ARFGAP2: variants seen among roughly 807,000 people sequenced by gnomAD.
ARFGAP2 encodes ADP-ribosylation factor GTPase-activating protein 2.
Under a neutral mutation model 71.9 loss-of-function variants are expected in ARFGAP2, and 45 were observed. That is an observed-to-expected ratio of 0.63 (90% CI 0.49 to 0.80). The LOEUF (loss-of-function observed/expected upper bound fraction) is 0.80, where lower values mean the gene tolerates loss of function less well. ARFGAP2 is among the 30% of genes least tolerant of loss of function. The pLI is 0.00. For missense variants in ARFGAP2, 633 were observed against 673.9 expected (o/e 0.94, Z 0.67); for synonymous variants, 248 against 249.2 (o/e 1.00, Z 0.05).
At chr11:47,175,125 C>T (rs369209551) in intron 4 of ARFGAP2, 27 bp from the exon 5 acceptor site, 104 of 1,614,058 alleles carry the variant, frequency 6.4e-5, no homozygotes, top group Non-Finnish European at 8.5e-5. Context: ...ACCCCTAAAA[C>T]ACAGGGCTCT....
chr11:47,176,699 C>A, intron 1 of ARFGAP2, 65 bp from the exon 2 acceptor site: 1 of 1,611,496 alleles, frequency 6.2e-7, no homozygotes. Flanking sequence ...ACCGACACCC[C>A]AGAAACATAA....
At position 47,173,125 on chromosome 11, in the gene ARFGAP2, A is replaced by G. The variant is rs986184869; in HGVS notation, c.619+301T>C. 1.1e-5 allele frequency: 5 copies of G among 447,496 alleles called. No homozygotes were observed. In the East Asian group the frequency reaches 2.3e-4, roughly 20 times the overall value. The allele number at this position is 447,496 out of a possible 1,614,324, so 27.7% of individuals were successfully genotyped here. On this transcript the variant is annotated intron_variant, in intron 7 of 15. Coordinates refer to ENST00000524782, the MANE Select transcript of ARFGAP2 (RefSeq NM_032389.6). Reference sequence around the variant, plus strand: ...ACAAGCCAGCCCTGCCTCAGAGCCCAGGGATAGGTGTCCAGTCTCATGCTG... The same window carrying G: ...ACAAGCCAGCCCTGCCTCAGAGCCCGGGGATAGGTGTCCAGTCTCATGCTG...
At chr11:47,168,331 T>C (rs937271876) in intron 10 of ARFGAP2, 80 bp from the exon 11 acceptor site, 45 of 1,587,574 alleles carry the variant, frequency 2.8e-5, no homozygotes, top group Non-Finnish European at 3.8e-5. Flanking sequence ...GCCCAGCAAC[T>C]GGGTTCTCCT....
At chr11:47,172,820 A>G in intron 7 of ARFGAP2, 1 of 1,266,974 alleles carries the variant, frequency 7.9e-7, no homozygotes, top group East Asian at 5.6e-5. Flanking sequence ...TCCCAAGCCC[A>G]GCGGTCTCTA....
rs573882001 is a variant in ARFGAP2 at position 47,175,403 on chromosome 11, G to C, written c.265-90C>G. 1.1e-5 allele frequency: 17 copies of C among 1,579,760 alleles called. No homozygotes were observed. In the African/African-American group the frequency reaches 2.3e-4, roughly 21 times the overall value. ...GTAGGAGACATCTCCTTATGACAGCGAAGTTATTATCTATACAGGATGATA... is the reference window on the plus strand; with the variant it reads ...GTAGGAGACATCTCCTTATGACAGCCAAGTTATTATCTATACAGGATGATA... On this transcript the variant is annotated intron_variant, in intron 3 of 15. Coordinates refer to ENST00000524782, the MANE Select transcript of ARFGAP2 (RefSeq NM_032389.6).
At chr11:47,175,977 G>A in intron 2 of ARFGAP2, 54 bp from the exon 3 acceptor site, 1 of 1,590,214 alleles carries the variant, frequency 6.3e-7, no homozygotes, top group East Asian at 2.3e-5. Context: ...GGATTTCCCT[G>A]GCAACCCGGA....
chr11:47,172,966 C>T (rs1202750145), intron 7 of ARFGAP2: 2 of 365,326 alleles, frequency 5.5e-6, no homozygotes, highest in East Asian at 1.5e-4. Context: ...TCGCCCTGAA[C>T]CAAGTCTGAA....
rs574163921 is a variant in ARFGAP2, at chr11:47,176,705, C to G, written c.73-71G>C. On this transcript the variant is annotated intron_variant, in intron 1 of 15. Transcript: ENST00000524782. ...AGGCCAGGCACCGACACCCCAGAAA[C>G]ATAACCCACCTCCGCCCTTCTCCCT... The G allele has an allele frequency of 4.3e-6, 7 of 1,611,778 alleles. No individual in the cohort carries two copies. In the South Asian group the frequency reaches 6.6e-5, roughly 15 times the overall value.
At chr11:47,175,611 T>C (rs1952778257) in intron 3 of ARFGAP2, 1 of 622,410 alleles carries the variant, frequency 1.6e-6, no homozygotes, top group Non-Finnish European at 2.8e-6. Flanking sequence ...ACCCAATGAC[T>C]GTGAAGGCTC....
Position 47,170,337 on chromosome 11 carries a change from A to G in ARFGAP2, c.941+1089T>C, listed in dbSNP as rs1348080748. ...AGACTCCATCTCAAAAAAAAAAAAAAAAAAAAGAAAAGAAAAGAAAAAAGA... is the reference window on the plus strand; with the variant it reads ...AGACTCCATCTCAAAAAAAAAAAAAGAAAAAAGAAAAGAAAAGAAAAAAGA... On this transcript the variant is annotated intron_variant, in intron 10 of 15. Coordinates refer to ENST00000524782, the MANE Select transcript of ARFGAP2 (RefSeq NM_032389.6). Among the ~76,000 whole-genome samples the G allele has an allele frequency of 1.5e-4, 23 of 150,724 alleles. No homozygotes were observed. In the South Asian group the frequency reaches 4.8e-3, roughly 32 times the overall value.
At chr11:47,169,615 T>C (rs1335237586) in intron 10 of ARFGAP2, 2 of 152,210 alleles carry the variant, frequency 1.3e-5, no homozygotes, top group Non-Finnish European at 2.9e-5. Context: ...CCCAGCACTT[T>C]GGGAGGCCGA....
chr11:47,171,560 T>A lies in ARFGAP2; in HGVS notation c.810-3A>T, dbSNP rs1287682915. The A allele has an allele frequency of 1.9e-6, 3 of 1,614,120 alleles. No individual in the cohort carries two copies. The highest frequency in any genetic ancestry group is 2.5e-6 in the Non-Finnish European group (3 of 1,179,994). On this transcript the variant is annotated splice_region_variant and splice_polypyrimidine_tract_variant and intron_variant, in intron 9 of 15. Coordinates refer to ENST00000524782, the MANE Select transcript of ARFGAP2 (RefSeq NM_032389.6). ...AGGCCAGACGCATGGAGGCGACCCT[T>A]AGGGGGAACAAAGGTGTCAGTGGCC...
In ARFGAP2 at chr11:47,171,748, C is replaced by T; in HGVS notation, c.725G>A (p.Ser242Asn). 6.2e-7 allele frequency: 1 copy of T among 1,614,064 alleles called. No individual in the cohort carries two copies. Among genetic ancestry groups the T allele is most frequent in the Non-Finnish European group, 8.5e-7 (1 of 1,180,048 alleles). ...GAQKVSSQSF[S>N]EIERQAQVAE... ...CACCTGAGCCTGCCGCTCAATCTCACTGAAGCTCTGGCTGCTCACCTTCTG... is the reference window on the plus strand; with the variant it reads ...CACCTGAGCCTGCCGCTCAATCTCATTGAAGCTCTGGCTGCTCACCTTCTG... Residue 242 changes from serine to asparagine, a missense_variant, in exon 9 of 16, where the codon AGT becomes AAT. By Grantham distance (46) the Ser-to-Asn change is conservative (BLOSUM62 1). Coordinates refer to ENST00000524782, the MANE Select transcript of ARFGAP2 (RefSeq NM_032389.6).
chr11:47,173,269 T>C, intron 7 of ARFGAP2, 157 bp downstream of exon 7: 1 of 878,486 alleles, frequency 1.1e-6, no homozygotes, highest in African/African-American at 1.7e-5. Context: ...CAGTGTTGCA[T>C]CCACTATTTC....
rs1225221663 is a variant in ARFGAP2 at position 47,175,237 on chromosome 11, T to A, written c.341A>T (p.Tyr114Phe). Reference protein sequence around the residue: ...TKYNSRAAQMYREKIRQLGSA... With the variant: ...TKYNSRAAQMFREKIRQLGSA... The stretch of plus-strand genomic sequence containing the variant: ...CCCCAGCTGCCGGATCTTCTCCCGG[T>A]ACATCTGGGCAGCTCGGCTATTATA... The change falls in exon 4 of 16, where the codon TAC becomes TTC. Residue 114 changes from tyrosine (Y) to phenylalanine (F), a missense_variant. Coordinates refer to ENST00000524782, the MANE Select transcript of ARFGAP2 (RefSeq NM_032389.6). 7 of 1,614,086 alleles carry A rather than the reference T, an allele frequency of 4.3e-6. No individual in the cohort carries two copies. The highest frequency in any genetic ancestry group is 5.9e-6 in the Non-Finnish European group (7 of 1,179,998).
chr11:47,167,911 T>G lies in ARFGAP2; in HGVS notation c.1203A>C (p.Glu401Asp). 1 of 1,605,858 alleles carries G rather than the reference T, an allele frequency of 6.2e-7. No homozygotes were observed. The highest frequency in any genetic ancestry group is 8.5e-7 in the Non-Finnish European group (1 of 1,176,452). The change falls in exon 12 of 16, where the codon GAA becomes GAC. Residue 401 changes from glutamate (E) to aspartate (D), a missense_variant and splice_region_variant. Coordinates refer to ENST00000524782, the MANE Select transcript of ARFGAP2 (RefSeq NM_032389.6). ...VTISSIRPIS[E>D]RATNRREVES... ...AAAGAAAAAACAGCCCACTCTACCT[T>G]TCTGAAATAGGCCGGATGCTTGAGA...
intron 5 of ARFGAP2, 95 bp from the exon 6 acceptor site, chr11:47,173,935 A>G: frequency 1.3e-6 from 2 of 1,537,488 alleles, no homozygotes; most frequent in South Asian, 2.4e-5. Flanking sequence ...AAGAAATCAT[A>G]CTCCAAACCC....
At chr11:47,170,661 A>C (rs140839457) in intron 10 of ARFGAP2, among the ~76,000 whole-genome samples, 357 of 152,280 alleles carry the variant, frequency 2.3e-3, no homozygotes, top group African/African-American at 8.1e-3. Context: ...AATAAAAATA[A>C]AAAGCCATAG....
intron 2 of ARFGAP2, 161 bp from the exon 3 acceptor site, chr11:47,176,084 C>A: frequency 1.5e-6 from 1 of 669,316 alleles, no homozygotes; most frequent in Non-Finnish European, 2.6e-6. Context: ...TGAAAACTCT[C>A]CTCTTCGTTC....
Sources: allele counts gnomAD v4.1 joint callset (sites outside exome capture counted in the v4.1 genomes callset), GRCh38; gene constraint gnomAD v4.1.1; transcripts MANE v1.5; gene names NCBI Gene and HGNC (gene_info 2026-07-23, HGNC 2026-07-21).